Variants in TEAD1 observed in about 807,000 individuals in gnomAD.
TEAD1 encodes the protein TEA domain transcription factor 1.
In TEAD1, 9 loss-of-function variants were observed where a neutral mutation model predicts 54.9. That is an observed-to-expected ratio of 0.16 (90% CI 0.10 to 0.29). The LOEUF (loss-of-function observed/expected upper bound fraction) is 0.29, where lower values mean the gene tolerates loss of function less well. Among genes scored for constraint, TEAD1 ranks in the 10% least tolerant of loss-of-function variants. TEAD1 has a pLI of 1.00. For missense variants in TEAD1, 387 were observed against 535.9 expected (o/e 0.72, Z 2.74); for synonymous variants, 200 against 187.8 (o/e 1.07, Z -0.53).
intron 7 of TEAD1, among the ~76,000 whole-genome samples, chr11:12,881,562 A>G (rs555694537): frequency 5.9e-5 from 9 of 152,272 alleles, no homozygotes; most frequent in Non-Finnish European, 1.3e-4. Context: ...TGGCCTAGAG[A>G]AGGAGAGCCT....
intron 3 of TEAD1, among the ~76,000 whole-genome samples, chr11:12,801,335 A>G (rs1946056604): frequency 6.6e-6 from 1 of 152,234 alleles, no homozygotes; most frequent in African/African-American, 2.4e-5. Context: ...GCCACAGCTC[A>G]GACTAAAAAT....
chr11:12,734,555 A>G (rs921973930), intron 2 of TEAD1, among the ~76,000 whole-genome samples: 9 of 152,220 alleles, frequency 5.9e-5, no homozygotes, highest in Non-Finnish European at 1.2e-4. Context: ...CCAGTTCTGC[A>G]AGCTTCATTT....
chr11:12,854,308 A>G (rs1279030775), intron 3 of TEAD1, among the ~76,000 whole-genome samples: 1 of 152,084 alleles, frequency 6.6e-6, no homozygotes, highest in East Asian at 1.9e-4. Context: ...GTCTGTAGCC[A>G]CTGAGGACCT....
chr11:12,728,415 T>TA (rs1231389932), intron 2 of TEAD1, among the ~76,000 whole-genome samples: 3 of 152,336 alleles, frequency 2.0e-5, no homozygotes, highest in African/African-American at 7.2e-5. Flanking sequence ...AGCACACAGA[T>TA]AGCCCTCCCT....
chr11:12,894,195 G>C (rs1948259472), intron 9 of TEAD1, among the ~76,000 whole-genome samples: 1 of 152,134 alleles, frequency 6.6e-6, no homozygotes, highest in Admixed American at 6.5e-5. Flanking sequence ...CATTTTTCAA[G>C]GTTTCACTAC....
intron 9 of TEAD1, among the ~76,000 whole-genome samples, chr11:12,895,940 C>T (rs1031882104): frequency 2.0e-5 from 3 of 147,364 alleles, no homozygotes; most frequent in Non-Finnish European, 4.5e-5. Flanking sequence ...TGCCCCCCTC[C>T]GTCTTCCTTT....
In TEAD1 at chr11:12,730,888, G is replaced by A. The variant is rs529030597; in HGVS notation, c.-54-33291G>A. 4.1e-4 allele frequency among the ~76,000 whole-genome samples: 62 copies of A among 151,812 alleles called. 2 individuals are homozygous for A. The highest frequency in any genetic ancestry group is 1.4e-3 in the African/African-American group (59 of 41,380). The stretch of plus-strand genomic sequence containing the variant: ...GCTAATTTTAGTATTTTTTAGTAGA[G>A]ATGGGGTTTCACCATGTTGGCCAGG... On this transcript the variant is annotated intron_variant, in intron 2 of 12. Coordinates refer to ENST00000527636, the MANE Select transcript of TEAD1 (RefSeq NM_021961.6).
intron 3 of TEAD1, among the ~76,000 whole-genome samples, chr11:12,797,543 G>A (rs1013677845): frequency 3.3e-5 from 5 of 151,434 alleles, no homozygotes; most frequent in Non-Finnish European, 7.4e-5. Context: ...AGTCTTGGAT[G>A]TGCATGCTGT....
intron 3 of TEAD1, among the ~76,000 whole-genome samples, chr11:12,833,353 A>C (rs1946820504): frequency 1.3e-5 from 2 of 152,236 alleles, no homozygotes; most frequent in Admixed American, 6.5e-5. Context: ...ATGTGCTGAA[A>C]TGCAGGTCTG....
At chr11:12,738,665 C>T (rs1944584877) in intron 2 of TEAD1, among the ~76,000 whole-genome samples, 1 of 152,126 alleles carries the variant, frequency 6.6e-6, no homozygotes, top group Non-Finnish European at 1.5e-5. Context: ...TAGTTGGATG[C>T]TTTTCCTTTC....
chr11:12,677,163 T>C (rs1016470642), intron 2 of TEAD1, among the ~76,000 whole-genome samples: 20 of 152,146 alleles, frequency 1.3e-4, no homozygotes, highest in Admixed American at 4.6e-4. Flanking sequence ...GGGTTTTTTT[T>C]CTTTTCTTTT....
intron 2 of TEAD1, among the ~76,000 whole-genome samples, chr11:12,735,904 G>T (rs1035948693): frequency 2.6e-5 from 4 of 152,158 alleles, no homozygotes; most frequent in African/African-American, 4.8e-5. Context: ...ACAAATGCTT[G>T]CATGCCTTTT....
intron 2 of TEAD1, among the ~76,000 whole-genome samples, chr11:12,709,401 T>G (rs752581753): frequency 1.2e-4 from 19 of 152,190 alleles, no homozygotes; most frequent in Non-Finnish European, 1.9e-4. Context: ...TTGTTTCTTT[T>G]TTTGAATTTT....
chr11:12,754,566 A>G (rs1394335256), intron 2 of TEAD1, among the ~76,000 whole-genome samples: 2 of 152,250 alleles, frequency 1.3e-5, no homozygotes, highest in East Asian at 1.9e-4. Context: ...AATGTGATGA[A>G]TTGTGGTTTT....
chr11:12,860,306 AT>A (rs1947472006), intron 3 of TEAD1, among the ~76,000 whole-genome samples: 1 of 152,184 alleles, frequency 6.6e-6, no homozygotes, highest in Non-Finnish European at 1.5e-5. Flanking sequence ...TACTTCCTCA[AT>A]TTTAGAAGTG....
chr11:12,705,548 A>G (rs1308347998), intron 2 of TEAD1, among the ~76,000 whole-genome samples: 2 of 152,090 alleles, frequency 1.3e-5, no homozygotes, highest in Non-Finnish European at 2.9e-5. Flanking sequence ...CATGAGTAAA[A>G]CCAATTCCTT....
intron 12 of TEAD1, among the ~76,000 whole-genome samples, chr11:12,935,993 G>T (rs1174409898): frequency 2.6e-5 from 4 of 152,158 alleles, no homozygotes; most frequent in Non-Finnish European, 5.9e-5. Flanking sequence ...AAGAGCAAGG[G>T]AAACTAAACA....
chr11:12,725,190 G>A (rs185429093), intron 2 of TEAD1, among the ~76,000 whole-genome samples: 5 of 152,290 alleles, frequency 3.3e-5, no homozygotes, highest in African/African-American at 1.2e-4. Flanking sequence ...CCCACTTTAT[G>A]GATGAGGAAA....
At chr11:12,696,290 A>G (rs985370466) in intron 2 of TEAD1, among the ~76,000 whole-genome samples, 2 of 152,172 alleles carry the variant, frequency 1.3e-5, no homozygotes, top group Non-Finnish European at 2.9e-5. Flanking sequence ...TCTTGGATCA[A>G]AGTGGGGCTA....
Sources: allele counts gnomAD v4.1 joint callset (sites outside exome capture counted in the v4.1 genomes callset), GRCh38; gene constraint gnomAD v4.1.1; transcripts MANE v1.5; gene names NCBI Gene and HGNC (gene_info 2026-07-23, HGNC 2026-07-21).